MTCL2: variants seen among roughly 807,000 people sequenced by gnomAD.
The protein encoded by MTCL2 is microtubule cross-linking factor 2.
At chr20:36,840,404 G>A in the MTCL2 span, among the ~76,000 whole-genome samples, 1 of 151,196 alleles carries the variant, frequency 6.6e-6, no homozygotes, top group Non-Finnish European at 1.5e-5. Context: ...TCCTGACCTC[G>A]TAATCAGCCT....
the MTCL2 span, among the ~76,000 whole-genome samples, chr20:36,838,241 A>G: frequency 6.6e-6 from 1 of 152,130 alleles, no homozygotes; most frequent in East Asian, 1.9e-4. Flanking sequence ...CAGTAGAGAC[A>G]GGGTTTCACT....
At chr20:36,812,652 C>T in the MTCL2 span, 1 of 1,598,014 alleles carries the variant, frequency 6.3e-7, no homozygotes. Flanking sequence ...TTTGACAGGG[C>T]TCAGTCACTC....
the MTCL2 span, among the ~76,000 whole-genome samples, chr20:36,811,289 A>C: frequency 6.6e-6 from 1 of 152,168 alleles, no homozygotes; most frequent in African/African-American, 2.4e-5. Context: ...CAAATAATTG[A>C]ATGTGTGCAG....
the MTCL2 span, among the ~76,000 whole-genome samples, chr20:36,856,279 C>T: frequency 2.0e-5 from 3 of 152,188 alleles, no homozygotes; most frequent in African/African-American, 7.2e-5. Context: ...GCTCCAAGGA[C>T]ACCTCCTCCT....
chr20:36,837,769 G>T, the MTCL2 span, among the ~76,000 whole-genome samples: 1 of 151,938 alleles, frequency 6.6e-6, no homozygotes, highest in Admixed American at 6.6e-5. Context: ...TAGAGATGGG[G>T]TTTCACCATG....
chr20:36,853,074 A>C, the MTCL2 span, among the ~76,000 whole-genome samples: 3 of 150,360 alleles, frequency 2.0e-5, no homozygotes, highest in Admixed American at 6.6e-5. Flanking sequence ...AAAAAAAAAA[A>C]GGTCCCGGGG....
At chr20:36,777,518 T>C in the MTCL2 span, 1 of 391,210 alleles carries the variant, frequency 2.6e-6, no homozygotes, top group East Asian at 3.9e-5. Flanking sequence ...GTACAGTTAT[T>C]CTCATGTCTG....
chr20:36,827,021 G>GCTTT, the MTCL2 span, among the ~76,000 whole-genome samples: 566 of 110,070 alleles, frequency 5.1e-3, no homozygotes, highest in Non-Finnish European at 7.9e-3. Context: ...TTATCATCCT[G>GCTTT]CTTTATTTAT....
the MTCL2 span, among the ~76,000 whole-genome samples, chr20:36,796,443 G>A: frequency 1.3e-5 from 2 of 152,204 alleles, no homozygotes; most frequent in East Asian, 3.8e-4. Flanking sequence ...CAGTGGAGAC[G>A]TGGTCCTTAT....
At chr20:36,838,626 C>T in the MTCL2 span, among the ~76,000 whole-genome samples, 104 of 152,180 alleles carry the variant, frequency 6.8e-4, 4 homozygotes, top group Non-Finnish European at 3.2e-4. Flanking sequence ...TGGAACTGTG[C>T]GGGGACAATT....
At chr20:36,860,998 T>C in the MTCL2 span, among the ~76,000 whole-genome samples, 1 of 152,186 alleles carries the variant, frequency 6.6e-6, no homozygotes, top group South Asian at 2.1e-4. Context: ...CAGAGCCTGA[T>C]GACTTCCTGG....
chr20:36,846,263 G>C, the MTCL2 span, among the ~76,000 whole-genome samples: 9 of 150,416 alleles, frequency 6.0e-5, no homozygotes, highest in Non-Finnish European at 1.0e-4. Flanking sequence ...CTCATCCTCT[G>C]CCAGACAACA....
chr20:36,856,428 G>A, the MTCL2 span, among the ~76,000 whole-genome samples: 1 of 152,256 alleles, frequency 6.6e-6, no homozygotes, highest in East Asian at 1.9e-4. Context: ...CCCCCAGCAA[G>A]GGAACAGGGG....
At chr20:36,834,484 G>T in the MTCL2 span, among the ~76,000 whole-genome samples, 3 of 152,186 alleles carry the variant, frequency 2.0e-5, no homozygotes, top group African/African-American at 4.8e-5. Flanking sequence ...CCTTGTATCC[G>T]GTCTCAGCTC....
chr20:36,848,784 T>C, the MTCL2 span, among the ~76,000 whole-genome samples: 4 of 152,176 alleles, frequency 2.6e-5, no homozygotes, highest in African/African-American at 9.7e-5. Flanking sequence ...CACTGACCTC[T>C]AAGTAAAATG....
chr20:36,824,710 TGGC>T, the MTCL2 span, among the ~76,000 whole-genome samples: 1 of 152,020 alleles, frequency 6.6e-6, no homozygotes, highest in Non-Finnish European at 1.5e-5. Context: ...TGGAGTACAC[TGGC>T]GTGATCTTGG....
chr20:36,861,100 C>A, the MTCL2 span, among the ~76,000 whole-genome samples: 1 of 152,152 alleles, frequency 6.6e-6, no homozygotes, highest in Non-Finnish European at 1.5e-5. Context: ...TAGCAGGAAC[C>A]GGGAGGCAGG....
the MTCL2 span, chr20:36,808,862 C>T: frequency 1.1e-4 from 96 of 842,834 alleles, no homozygotes; most frequent in Admixed American, 1.8e-3. Context: ...TGATCCCTGC[C>T]GGGGATCCCA....
At chr20:36,795,385 T>C in the MTCL2 span, among the ~76,000 whole-genome samples, 5 of 152,220 alleles carry the variant, frequency 3.3e-5, no homozygotes, top group African/African-American at 7.2e-5. Flanking sequence ...CCACTGCACC[T>C]GGCCTCTCTT....
Sources: gnomAD v4.1 joint callset for allele counts (sites outside exome capture counted in the v4.1 genomes callset) on GRCh38, gnomAD v4.1.1 for gene constraint, MANE v1.5 for transcripts, NCBI Gene and HGNC (gene_info 2026-07-23, HGNC 2026-07-21) for gene names.